The following GALNT10 variants were observed in gnomAD, a reference collection of about 807,000 sequenced individuals.
GALNT10 encodes polypeptide N-acetylgalactosaminyltransferase 10, also known as GalNAc transferase 10.
A neutral mutation model predicts 75.0 loss-of-function variants in GALNT10; 41 were observed. The observed-to-expected ratio is 0.55, with a 90% confidence interval of 0.43 to 0.71. GALNT10 has a LOEUF of 0.71. GALNT10 is among the 30% of genes least tolerant of loss of function. The probability of loss-of-function intolerance (pLI) is 0.00; values close to 1 mark genes in which losing one functional copy is unlikely to be tolerated. For missense variants in GALNT10, 727 were observed against 818.5 expected (o/e 0.89, Z 1.36); for synonymous variants, 302 against 313.0 (o/e 0.96, Z 0.37).
At chr5:154,401,669 A>C (rs3756645) in intron 7 of GALNT10, among the ~76,000 whole-genome samples, 103,792 of 151,818 alleles carry the variant, frequency 0.68, 36,647 homozygotes, top group African/African-American at 0.85. Context: ...AGCACTTCCA[A>C]TAATTGCAGC....
intron 1 of GALNT10, among the ~76,000 whole-genome samples, chr5:154,255,410 A>T (rs1753591671): frequency 6.6e-6 from 1 of 151,904 alleles, no homozygotes; most frequent in Admixed American, 6.6e-5. Context: ...GATAAACTAC[A>T]TCTGCCACAA....
intron 1 of GALNT10, chr5:154,220,182 G>A (rs1439897760): frequency 6.6e-6 from 1 of 152,138 alleles, no homozygotes; most frequent in Admixed American, 6.5e-5. Flanking sequence ...ATGATTTTTA[G>A]AGAAGATGAA....
rs550113943 is a variant in GALNT10, at chr5:154,279,560, C to T, written c.160-15256C>T. 2.6e-5 allele frequency among the ~76,000 whole-genome samples: 4 copies of T among 152,008 alleles called. No homozygotes were observed. The South Asian group carries it at 8.3e-4, about 32-fold the overall frequency. On this transcript the variant is annotated intron_variant, in intron 1 of 11. Coordinates refer to ENST00000297107, the MANE Select transcript of GALNT10 (RefSeq NM_198321.4). The stretch of plus-strand genomic sequence containing the variant: ...TCAGGTGATCCACCTGCCTCGGCCT[C>T]CCAAAGTGCTAGTATTACAGGCATG...
chr5:154,190,873 C>A lies in GALNT10; in HGVS notation c.7C>A (p.Arg3=), dbSNP rs1224947228. The A allele has an allele frequency of 3.5e-6, 5 of 1,411,616 alleles. No individual in the cohort carries two copies. Among genetic ancestry groups the A allele is most frequent in the Non-Finnish European group, 4.6e-6 (5 of 1,075,738 alleles). The allele number at this position is 1,411,616 out of a possible 1,614,324, so 87.4% of individuals were successfully genotyped here. MR[R]KEKRLLQAVA... is the part of the protein sequence containing the mutation. Reference sequence around the variant, plus strand: ...GCGGGGCTGACCGGCCCCGATGAGGCGGAAGGAGAAGCGGCTCCTGCAGGC... The same window carrying A: ...GCGGGGCTGACCGGCCCCGATGAGGAGGAAGGAGAAGCGGCTCCTGCAGGC... Residue 3 remains arginine, a synonymous_variant, in exon 1 of 12, where the codon CGG becomes AGG. Coordinates refer to ENST00000297107, the MANE Select transcript of GALNT10 (RefSeq NM_198321.4).
intron 7 of GALNT10, among the ~76,000 whole-genome samples, chr5:154,398,432 G>A (rs1208635079): frequency 6.6e-6 from 1 of 152,242 alleles, no homozygotes; most frequent in African/African-American, 2.4e-5. Flanking sequence ...GTCCCCAGCT[G>A]GACTCTGCTC....
intron 7 of GALNT10, among the ~76,000 whole-genome samples, chr5:154,397,663 CT>C (rs1303237436): frequency 6.6e-6 from 1 of 152,222 alleles, no homozygotes; most frequent in Non-Finnish European, 1.5e-5. Flanking sequence ...TTAGTATAGT[CT>C]TTCCCCCAAA....
At chr5:154,348,551 T>C (rs1223397188) in intron 4 of GALNT10, among the ~76,000 whole-genome samples, 1 of 152,246 alleles carries the variant, frequency 6.6e-6, no homozygotes, top group Non-Finnish European at 1.5e-5. Context: ...ACCTCATCAA[T>C]TCAGTGGCAT....
At chr5:154,281,932 A>G (rs1754044100) in intron 1 of GALNT10, among the ~76,000 whole-genome samples, 1 of 152,218 alleles carries the variant, frequency 6.6e-6, no homozygotes, top group Non-Finnish European at 1.5e-5. Context: ...AAGAAAGGCA[A>G]AAGTGCACAT....
At chr5:154,302,614 A>G (rs1022363819) in intron 3 of GALNT10, among the ~76,000 whole-genome samples, 1 of 152,194 alleles carries the variant, frequency 6.6e-6, no homozygotes, top group African/African-American at 2.4e-5. Context: ...TCCTATGCAA[A>G]GATTATCCAT....
chr5:154,262,283 G>T (rs1160109290), intron 1 of GALNT10, among the ~76,000 whole-genome samples: 1 of 152,210 alleles, frequency 6.6e-6, no homozygotes, highest in Non-Finnish European at 1.5e-5. Flanking sequence ...GGCTAAGCCA[G>T]AGCTAGGTCA....
chr5:154,329,880 AT>A, intron 4 of GALNT10, 142 bp downstream of exon 4: 1 of 498,010 alleles, frequency 2.0e-6, no homozygotes. Flanking sequence ...CTGTGCACAC[AT>A]TTTCTCATTT....
intron 1 of GALNT10, among the ~76,000 whole-genome samples, chr5:154,228,988 C>T (rs1383439614): frequency 6.6e-6 from 1 of 152,180 alleles, no homozygotes; most frequent in East Asian, 1.9e-4. Flanking sequence ...TCATTGTTTT[C>T]ACCTAGTGGG....
intron 3 of GALNT10, among the ~76,000 whole-genome samples, chr5:154,326,196 T>G (rs569050847): frequency 6.6e-6 from 1 of 152,260 alleles, no homozygotes; most frequent in Admixed American, 6.5e-5. Flanking sequence ...CATAAGGAGA[T>G]ACCACTTCAC....
chr5:154,344,667 T>C (rs1755092957), intron 4 of GALNT10, among the ~76,000 whole-genome samples: 1 of 152,172 alleles, frequency 6.6e-6, no homozygotes, highest in Non-Finnish European at 1.5e-5. Flanking sequence ...GTTCAGGTAT[T>C]TGCAAGTTAC....
At chr5:154,266,057 A>G (rs1029927144) in intron 1 of GALNT10, among the ~76,000 whole-genome samples, 1 of 152,220 alleles carries the variant, frequency 6.6e-6, no homozygotes, top group Admixed American at 6.5e-5. Flanking sequence ...TAGAATGTTT[A>G]TTGAAACTTA....
rs1756550541 is a variant in GALNT10, at chr5:154,418,020, T to C, written c.*1048T>C. 6.6e-6 allele frequency: 1 copy of C among 152,162 alleles called. No homozygotes were observed. Among genetic ancestry groups the C allele is most frequent in the Admixed American group, 6.5e-5 (1 of 15,278 alleles). 9.4% of individuals were successfully genotyped at this position (152,162 alleles called of 1,614,324 possible). ...CAGAACTCCAGAATTTTTAAAGAACTCTATAATTGGATTGCAAACTAGGAT... is the reference window on the plus strand; with the variant it reads ...CAGAACTCCAGAATTTTTAAAGAACCCTATAATTGGATTGCAAACTAGGAT... On this transcript the variant is annotated 3_prime_UTR_variant, in exon 12 of 12. Coordinates refer to ENST00000297107, the MANE Select transcript of GALNT10 (RefSeq NM_198321.4).
intron 4 of GALNT10, among the ~76,000 whole-genome samples, chr5:154,359,595 G>A (rs1018914318): frequency 6.7e-6 from 1 of 149,352 alleles, no homozygotes; most frequent in Non-Finnish European, 1.5e-5. Flanking sequence ...TTAAAAACTT[G>A]TAAATCCTAT....
chr5:154,277,109 T>C (rs1332183037), intron 1 of GALNT10, among the ~76,000 whole-genome samples: 2 of 152,082 alleles, frequency 1.3e-5, no homozygotes. Context: ...TCGGGTGGTT[T>C]CTCTGGCCTT....
intron 8 of GALNT10, among the ~76,000 whole-genome samples, chr5:154,408,456 T>G (rs551413092): frequency 3.9e-5 from 6 of 152,288 alleles, no homozygotes; most frequent in African/African-American, 1.4e-4. Context: ...GAATTTCCCC[T>G]GAACCCTGAA....
Sources: allele counts gnomAD v4.1 joint callset (sites outside exome capture counted in the v4.1 genomes callset), GRCh38; gene constraint gnomAD v4.1.1; transcripts MANE v1.5; gene names NCBI Gene and HGNC (gene_info 2026-07-23, HGNC 2026-07-21).